QTGAL: variants seen among roughly 807,000 people sequenced by gnomAD.
QTGAL encodes BGnT-like protein 1.
the QTGAL span, chr17:83,035,192 T>C: frequency 8.5e-7 from 1 of 1,178,408 alleles, no homozygotes; most frequent in Non-Finnish European, 1.2e-6. Context: ...CTTTTTTTTT[T>C]TTTCGAGATG....
At chr17:83,041,078 A>ATAAT in the QTGAL span, among the ~76,000 whole-genome samples, 68 of 151,566 alleles carry the variant, frequency 4.5e-4, no homozygotes, top group African/African-American at 5.8e-4. Flanking sequence ...AAAAAAAAAA[A>ATAAT]AAAAATGGCT....
the QTGAL span, chr17:82,956,867 G>A: frequency 0.1 from 142,254 of 1,360,224 alleles, 8,672 homozygotes; most frequent in East Asian, 0.27. This position sits in a 1 kb window ranked among gnomAD's most constrained non-coding sequence, Gnocchi z 5.7. Flanking sequence ...GGCTCACACA[G>A]GAGCCAGGGC....
chr17:82,956,053 G>A, the QTGAL span, among the ~76,000 whole-genome samples: 4 of 151,960 alleles, frequency 2.6e-5, no homozygotes, highest in Non-Finnish European at 5.9e-5. The surrounding 1 kb of genome is among the most constrained non-coding windows in gnomAD (Gnocchi z 5.7). Context: ...ATGCATGCGG[G>A]GCTTAAAACC....
the QTGAL span, among the ~76,000 whole-genome samples, chr17:82,984,055 G>A: frequency 5.8e-5 from 8 of 138,066 alleles, no homozygotes; most frequent in East Asian, 2.2e-4. Context: ...CAGGAGAGAG[G>A]CCATATGATC....
the QTGAL span, among the ~76,000 whole-genome samples, chr17:82,994,763 A>G: frequency 9.8e-5 from 15 of 152,302 alleles, no homozygotes; most frequent in East Asian, 2.9e-3. Flanking sequence ...CTATAGGCCA[A>G]TATCACTGTA....
chr17:82,982,474 A>ATGGAGATCCT, the QTGAL span, among the ~76,000 whole-genome samples: 1 of 152,174 alleles, frequency 6.6e-6, no homozygotes, highest in Non-Finnish European at 1.5e-5. Context: ...AAAGGGCCTC[A>ATGGAGATCCT]CGGAGATCCT....
At chr17:83,041,385 C>T in the QTGAL span, among the ~76,000 whole-genome samples, 1 of 152,184 alleles carries the variant, frequency 6.6e-6, no homozygotes. Flanking sequence ...ATCTACACAT[C>T]CAGGAAGCTC....
the QTGAL span, among the ~76,000 whole-genome samples, chr17:82,966,124 T>C: frequency 6.6e-6 from 1 of 150,524 alleles, no homozygotes; most frequent in African/African-American, 2.5e-5. Context: ...ACTCTGTTGC[T>C]CAGGCTGACC....
chr17:82,992,232 G>C, the QTGAL span, among the ~76,000 whole-genome samples: 1 of 152,118 alleles, frequency 6.6e-6, no homozygotes, highest in Non-Finnish European at 1.5e-5. Context: ...TTAACCCAAA[G>C]AAGACTACCT....
At chr17:83,042,664 A>G in the QTGAL span, among the ~76,000 whole-genome samples, 2 of 151,658 alleles carry the variant, frequency 1.3e-5, no homozygotes, top group Non-Finnish European at 2.9e-5. Context: ...ACATATAGAA[A>G]GCAGATAGCA....
chr17:83,032,552 G>GCTGAACAACC, the QTGAL span, among the ~76,000 whole-genome samples: 1 of 151,812 alleles, frequency 6.6e-6, no homozygotes, highest in African/African-American at 2.4e-5. Context: ...ACTGAGCTCA[G>GCTGAACAACC]GGGCCCAGCA....
At chr17:83,035,170 GTA>G in the QTGAL span, 1 of 1,258,372 alleles carries the variant, frequency 7.9e-7, no homozygotes, top group Non-Finnish European at 1.1e-6. Context: ...ATAGAGCTTA[GTA>G]TATGATATTC....
At chr17:83,001,480 A>G in the QTGAL span, among the ~76,000 whole-genome samples, 1 of 152,212 alleles carries the variant, frequency 6.6e-6, no homozygotes, top group Non-Finnish European at 1.5e-5. Context: ...GAACTTTATG[A>G]AACAGAAAGT....
the QTGAL span, chr17:83,006,006 G>C: frequency 9.3e-7 from 1 of 1,073,262 alleles, no homozygotes; most frequent in Non-Finnish European, 1.1e-6. This position sits in a 1 kb window ranked among gnomAD's most constrained non-coding sequence, Gnocchi z 5.8. Flanking sequence ...GCTGGCTGGA[G>C]AGAGGGCACC....
At chr17:83,024,445 C>T in the QTGAL span, among the ~76,000 whole-genome samples, 870 of 152,388 alleles carry the variant, frequency 5.7e-3, 4 homozygotes, top group Middle Eastern at 0.02. Flanking sequence ...ACAAGACAGG[C>T]GCGGACGTGG....
the QTGAL span, chr17:83,006,600 C>T: frequency 9.1e-6 from 9 of 985,344 alleles, no homozygotes; most frequent in African/African-American, 3.5e-5. The surrounding 1 kb of genome is among the most constrained non-coding windows in gnomAD (Gnocchi z 5.8). Flanking sequence ...AGCCCCTCAA[C>T]GGCAGCCGCT....
chr17:82,949,910 G>A, the QTGAL span: 1 of 152,204 alleles, frequency 6.6e-6, no homozygotes. Flanking sequence ...GGGATTTGGA[G>A]GTGTGGAGGA....
the QTGAL span, among the ~76,000 whole-genome samples, chr17:82,969,454 C>T: frequency 1.2e-4 from 16 of 137,912 alleles, no homozygotes; most frequent in Non-Finnish European, 2.4e-4. Flanking sequence ...GGTGATCCAC[C>T]TGCCTCGGCC....
chr17:83,036,024 T>A, the QTGAL span, among the ~76,000 whole-genome samples: 1 of 151,082 alleles, frequency 6.6e-6, no homozygotes, highest in African/African-American at 2.5e-5. Flanking sequence ...GCTGCCAGCA[T>A]CTACAACACC....
Sources: allele counts gnomAD v4.1 joint callset (sites outside exome capture counted in the v4.1 genomes callset), GRCh38; gene constraint gnomAD v4.1.1; non-coding constraint Gnocchi (gnomAD v3.1); transcripts MANE v1.5; gene names NCBI Gene and HGNC (gene_info 2026-07-23, HGNC 2026-07-21).